Variants in SLC4A10 observed in about 807,000 individuals in gnomAD.
The protein encoded by SLC4A10 is solute carrier family 4 member 10.
In SLC4A10, 42 loss-of-function variants were observed where a neutral mutation model predicts 137.7. That is an observed-to-expected ratio of 0.30 (90% CI 0.24 to 0.39). The LOEUF is 0.39. Among genes scored for constraint, SLC4A10 ranks in the 10% least tolerant of loss-of-function variants. The probability of loss-of-function intolerance (pLI) is 1.00; values close to 1 mark genes in which losing one functional copy is unlikely to be tolerated. For missense variants in SLC4A10, 925 were observed against 1,355.0 expected (o/e 0.68, Z 4.98); for synonymous variants, 474 against 464.1 (o/e 1.02, Z -0.27).
At chr2:161,739,769 C>G (rs1421354010) in intron 1 of SLC4A10, among the ~76,000 whole-genome samples, 1 of 152,170 alleles carries the variant, frequency 6.6e-6, no homozygotes, top group Non-Finnish European at 1.5e-5. Flanking sequence ...TGAAAAGTTG[C>G]AAAAGGAACA....
intron 6 of SLC4A10, among the ~76,000 whole-genome samples, chr2:161,864,989 T>A (rs1419760094): frequency 6.6e-6 from 1 of 152,100 alleles, no homozygotes; most frequent in Non-Finnish European, 1.5e-5. Context: ...GCATGCAGAT[T>A]TTATAAAAAT....
At chr2:161,944,056 C>G (rs1693245314) in intron 16 of SLC4A10, among the ~76,000 whole-genome samples, 1 of 151,836 alleles carries the variant, frequency 6.6e-6, no homozygotes, top group Admixed American at 6.6e-5. Context: ...CCTTCAGTTA[C>G]TCTTATTGTT....
intron 1 of SLC4A10, among the ~76,000 whole-genome samples, chr2:161,746,052 G>A (rs2048352217): frequency 1.3e-5 from 2 of 152,038 alleles, no homozygotes; most frequent in African/African-American, 4.8e-5. Context: ...GCAGTACTGG[G>A]TCTCTCACCA....
At chr2:161,651,599 A>C (rs2036803458) in intron 1 of SLC4A10, among the ~76,000 whole-genome samples, 1 of 152,258 alleles carries the variant, frequency 6.6e-6, no homozygotes, top group Middle Eastern at 3.4e-3. Context: ...GGCATCTTTA[A>C]GCTTCTGGGC....
At chr2:161,776,719 A>G (rs1208064356) in intron 2 of SLC4A10, among the ~76,000 whole-genome samples, 1 of 151,830 alleles carries the variant, frequency 6.6e-6, no homozygotes, top group Non-Finnish European at 1.5e-5. Context: ...CAGAAGTGGG[A>G]ATAGTGGATC....
chr2:161,826,222 T>C (rs929753616), intron 3 of SLC4A10, among the ~76,000 whole-genome samples: 2 of 152,168 alleles, frequency 1.3e-5, no homozygotes, highest in African/African-American at 4.8e-5. Flanking sequence ...ACCAAACTTG[T>C]CATAATTTCA....
chr2:161,907,034 C>T (rs1210265737), intron 15 of SLC4A10, among the ~76,000 whole-genome samples: 2 of 128,756 alleles, frequency 1.6e-5, no homozygotes, highest in African/African-American at 3.0e-5. Context: ...CCAGCCTGGG[C>T]GACAGAGCGA....
intron 1 of SLC4A10, among the ~76,000 whole-genome samples, chr2:161,763,589 G>C (rs2050479546): frequency 6.6e-6 from 1 of 152,064 alleles, no homozygotes; most frequent in African/African-American, 2.4e-5. Flanking sequence ...ATTGGCAAGA[G>C]CTATAGCTAT....
At chr2:161,826,515 TA>T (rs2058030329) in intron 3 of SLC4A10, among the ~76,000 whole-genome samples, 1 of 152,154 alleles carries the variant, frequency 6.6e-6, no homozygotes, top group Non-Finnish European at 1.5e-5. Context: ...GTCTAAAAAA[TA>T]GAGTGCTTTT....
chr2:161,830,890 G>A (rs1439881264), intron 3 of SLC4A10, among the ~76,000 whole-genome samples: 1 of 152,162 alleles, frequency 6.6e-6, no homozygotes, highest in African/African-American at 2.4e-5. Context: ...GGTGCTATAA[G>A]TTAGGATAGC....
chr2:161,887,406 C>G (rs111727493), intron 10 of SLC4A10, among the ~76,000 whole-genome samples: 64,750 of 151,908 alleles, frequency 0.43, 14,114 homozygotes, highest in Admixed American at 0.49. Context: ...CTTTCACAAT[C>G]GTTGAACTAA....
chr2:161,862,972 C>A lies in SLC4A10; in HGVS notation c.676C>A (p.Gln226Lys). 6.2e-7 allele frequency: 1 copy of A among 1,613,822 alleles called. No homozygotes were observed. The highest frequency in any genetic ancestry group is 1.7e-4 in the Middle Eastern group (1 of 6,058). Residue 226 changes from glutamine to lysine, a missense_variant, in exon 6 of 27, where the codon CAG becomes AAG. By Grantham distance (53) the Gln-to-Lys change is moderately conservative (BLOSUM62 1). Coordinates refer to ENST00000446997, the MANE Select transcript of SLC4A10 (RefSeq NM_001178015.2). ...GATGAAACAGCATCATCATCAGAAT[C>A]AGAAAAAACTCACCAACAGGATTCC... ...ALMKQHHHQN[Q>K]KKLTNRIPIV...
intron 1 of SLC4A10, among the ~76,000 whole-genome samples, chr2:161,719,174 A>G (rs1420363441): frequency 6.6e-6 from 1 of 151,312 alleles, no homozygotes; most frequent in Non-Finnish European, 1.5e-5. Flanking sequence ...TCTCCTTGTG[A>G]TAGGTTGCTG....
intron 3 of SLC4A10, among the ~76,000 whole-genome samples, chr2:161,807,530 C>T (rs552574888): frequency 6.6e-6 from 1 of 152,132 alleles, no homozygotes; most frequent in Non-Finnish European, 1.5e-5. Flanking sequence ...TCCTTTCTTG[C>T]TGTGCAGCTA....
chr2:161,795,773 A>G (rs1413529984), intron 2 of SLC4A10, among the ~76,000 whole-genome samples: 1 of 152,208 alleles, frequency 6.6e-6, no homozygotes, highest in African/African-American at 2.4e-5. Flanking sequence ...TGAAGATTAA[A>G]TGAGAAAATA....
chr2:161,910,534 T>A (rs1282721237), intron 15 of SLC4A10, among the ~76,000 whole-genome samples: 1 of 152,128 alleles, frequency 6.6e-6, no homozygotes, highest in South Asian at 2.1e-4. Flanking sequence ...AATAAAGTTT[T>A]GAAAGACAAC....
intron 4 of SLC4A10, among the ~76,000 whole-genome samples, chr2:161,850,749 A>G (rs775864005): frequency 1.3e-4 from 20 of 151,924 alleles, no homozygotes; most frequent in Non-Finnish European, 1.6e-4. Context: ...TTCTTCTGTT[A>G]TATTTGGGAT....
intron 1 of SLC4A10, among the ~76,000 whole-genome samples, chr2:161,656,984 A>T (rs1259685948): frequency 6.6e-6 from 1 of 152,092 alleles, no homozygotes; most frequent in Non-Finnish European, 1.5e-5. Flanking sequence ...ATAATTTGTT[A>T]GATTCTGAGA....
chr2:161,699,381 G>A (rs1384602028), intron 1 of SLC4A10, among the ~76,000 whole-genome samples: 4 of 151,930 alleles, frequency 2.6e-5, no homozygotes, highest in African/African-American at 9.7e-5. Flanking sequence ...TTTACCATAA[G>A]AGTAGCTTCA....
Sources: allele counts gnomAD v4.1 joint callset (sites outside exome capture counted in the v4.1 genomes callset), GRCh38; gene constraint gnomAD v4.1.1; transcripts MANE v1.5; gene names NCBI Gene and HGNC (gene_info 2026-07-23, HGNC 2026-07-21).